The following RAB27A variants were observed in gnomAD, a reference collection of about 807,000 sequenced individuals.
RAB27A encodes the protein ras-related protein Rab-27A.
RAB27A carries 17 observed loss-of-function variants against 20.8 expected under a neutral mutation model. The observed-to-expected ratio is 0.82, with a 90% CI of 0.56 to 1.23. The LOEUF is 1.23. RAB27A is among the 50% of genes most tolerant of loss of function. RAB27A has a pLI of 0.00. For synonymous variants in RAB27A, 85 were observed against 92.8 expected (o/e 0.92, Z 0.48); for missense variants, 277 against 266.7 (o/e 1.04, Z -0.27).
At chr15:55,314,924 T>C (rs1202610226) in intron 1 of RAB27A, among the ~76,000 whole-genome samples, 1 of 152,154 alleles carries the variant, frequency 6.6e-6, no homozygotes, top group Non-Finnish European at 1.5e-5. Flanking sequence ...TTAAATTTCA[T>C]GTAGAACCAA....
At chr15:55,226,348 G>T (rs986662243) in intron 5 of RAB27A, among the ~76,000 whole-genome samples, 1 of 152,122 alleles carries the variant, frequency 6.6e-6, no homozygotes, top group African/African-American at 2.4e-5. Context: ...TCTCAAGAGG[G>T]CATGGAGAGA....
chr15:55,235,062 T>TAGACATACAGGTTAAC, intron 2 of RAB27A, 106 bp from the exon 3 acceptor site: 1 of 894,012 alleles, frequency 1.1e-6, no homozygotes, highest in Non-Finnish European at 1.7e-6. Context: ...TGTTAACCTG[T>TAGACATACAGGTTAAC]ATGTCTACGG....
chr15:55,217,640 G>T (rs555676373), intron 6 of RAB27A, among the ~76,000 whole-genome samples: 1 of 132,654 alleles, frequency 7.5e-6, no homozygotes, highest in South Asian at 2.3e-4. Context: ...ACTCCAGCTG[G>T]GTGACAGAGC....
At chr15:55,270,783 A>G (rs1423005812) in intron 1 of RAB27A, 1 of 152,230 alleles carries the variant, frequency 6.6e-6, no homozygotes, top group African/African-American at 2.4e-5. Flanking sequence ...CTCCAATTTC[A>G]TAAGTAAAAC....
chr15:55,265,482 G>C (rs934613029), intron 2 of RAB27A, among the ~76,000 whole-genome samples: 6 of 152,266 alleles, frequency 3.9e-5, no homozygotes, highest in African/African-American at 1.4e-4. Context: ...CAGTGCACTA[G>C]ATAATGTGGG....
intron 2 of RAB27A, among the ~76,000 whole-genome samples, chr15:55,296,432 G>A (rs1029607932): frequency 8.6e-5 from 13 of 152,000 alleles, no homozygotes; most frequent in African/African-American, 2.9e-4. Context: ...GGAGGCAGAG[G>A]TTCCAGTGAG....
chr15:55,318,545 A>C (rs1305306504), intron 1 of RAB27A, among the ~76,000 whole-genome samples: 1 of 151,234 alleles, frequency 6.6e-6, no homozygotes, highest in Non-Finnish European at 1.5e-5. Flanking sequence ...TCTACAAAAA[A>C]ACACAAAAAT....
At chr15:55,303,083 G>C (rs1238661584) in intron 2 of RAB27A, among the ~76,000 whole-genome samples, 1 of 133,790 alleles carries the variant, frequency 7.5e-6, no homozygotes, top group Non-Finnish European at 1.6e-5. Flanking sequence ...GGAGGGAGGT[G>C]GGGGGGTCAG....
At chr15:55,217,096 C>T (rs1895341078) in intron 6 of RAB27A, among the ~76,000 whole-genome samples, 1 of 152,186 alleles carries the variant, frequency 6.6e-6, no homozygotes, top group Non-Finnish European at 1.5e-5. Context: ...AAGTAACAAA[C>T]TTCTTTCAAT....
intron 1 of RAB27A, among the ~76,000 whole-genome samples, chr15:55,285,316 A>AC (rs1036588025): frequency 6.6e-6 from 1 of 151,968 alleles, no homozygotes; most frequent in African/African-American, 2.4e-5. Flanking sequence ...ACAACCAAAA[A>AC]AAAAAAAAAA....
intron 6 of RAB27A, among the ~76,000 whole-genome samples, chr15:55,207,181 C>A (rs1894693016): frequency 6.6e-6 from 1 of 150,988 alleles, no homozygotes; most frequent in African/African-American, 2.5e-5. Context: ...GGAACTTGCA[C>A]TTACTGCTTA....
chr15:55,237,361 G>A (rs145828343), intron 2 of RAB27A: 1 of 152,180 alleles, frequency 6.6e-6, no homozygotes, highest in South Asian at 2.1e-4. Context: ...AGCCACTGCA[G>A]TGTGTTTCCT....
chr15:55,253,362 G>A (rs1437468513), intron 2 of RAB27A, among the ~76,000 whole-genome samples: 2 of 145,128 alleles, frequency 1.4e-5, no homozygotes, highest in South Asian at 2.2e-4. Flanking sequence ...CAGGAGAATC[G>A]CTTGAACCAG....
At chr15:55,226,740 C>T (rs373561865) in intron 5 of RAB27A, among the ~76,000 whole-genome samples, 8 of 151,560 alleles carry the variant, frequency 5.3e-5, no homozygotes, top group Admixed American at 1.3e-4. Flanking sequence ...TGTTGGTGTG[C>T]GCCTGTAATC....
At chr15:55,209,474 T>C (rs932064665) in intron 6 of RAB27A, among the ~76,000 whole-genome samples, 6 of 152,132 alleles carry the variant, frequency 3.9e-5, no homozygotes, top group African/African-American at 1.4e-4. Context: ...TGGGATTTCA[T>C]TCTTTTTATG....
At chr15:55,276,453 C>A (rs1043764289) in intron 1 of RAB27A, among the ~76,000 whole-genome samples, 25 of 152,230 alleles carry the variant, frequency 1.6e-4, no homozygotes, top group Admixed American at 6.5e-4. Flanking sequence ...TCCTGTAGCC[C>A]CAGCTACTCA....
intron 2 of RAB27A, among the ~76,000 whole-genome samples, chr15:55,266,178 C>A (rs1283419864): frequency 6.6e-6 from 1 of 152,118 alleles, no homozygotes; most frequent in South Asian, 2.1e-4. Flanking sequence ...GGATTAGTGC[C>A]CCTATAAGAA....
At chr15:55,292,539 GGACTGGGAT>G (rs2054927769), upstream of RAB27A, among the ~76,000 whole-genome samples, 2 of 152,226 alleles carry the variant, frequency 1.3e-5, no homozygotes, top group Admixed American at 6.5e-5. Context: ...TGAATCAAGA[GGACTGGGAT>G]GTAGGGGTGT....
chr15:55,271,581 G>A (rs1489192261), intron 1 of RAB27A, among the ~76,000 whole-genome samples: 1 of 152,192 alleles, frequency 6.6e-6, no homozygotes, highest in African/African-American at 2.4e-5. Context: ...TGTGCTTACT[G>A]TTTCTAGAAA....
Sources: allele counts gnomAD v4.1 joint callset (sites outside exome capture counted in the v4.1 genomes callset), GRCh38; gene constraint gnomAD v4.1.1; transcripts MANE v1.5; gene names NCBI Gene and HGNC (gene_info 2026-07-23, HGNC 2026-07-21).